The following NT5DC3 variants were observed in gnomAD, a reference collection of about 807,000 sequenced individuals.
The protein encoded by NT5DC3 is 5'-nucleotidase domain-containing protein 3.
Under a neutral mutation model 67.8 loss-of-function variants are expected in NT5DC3, and 42 were observed. The observed-to-expected ratio is 0.62, with a 90% confidence interval of 0.48 to 0.80. The LOEUF is 0.80. Among genes scored for constraint, NT5DC3 ranks in the 30% least tolerant of loss-of-function variants. The pLI is 0.00. For missense variants in NT5DC3, 570 were observed against 696.4 expected (o/e 0.82, Z 2.04); for synonymous variants, 237 against 255.6 (o/e 0.93, Z 0.69).
chr12:103,760,120 A>G, the NT5DC3 span, among the ~76,000 whole-genome samples: 1 of 152,164 alleles, frequency 6.6e-6, no homozygotes, highest in African/African-American at 2.4e-5. Context: ...CTCTTCTGGA[A>G]CAGAAGGGGC....
downstream of NT5DC3, chr12:103,766,545 GCTCTTCTTCCTTTGTA>G: frequency 1.8e-6 from 1 of 565,132 alleles, no homozygotes; most frequent in African/African-American, 1.9e-5. Flanking sequence ...TGACCCTTTG[GCTCTTCTTCCTTTGTA>G]CTCTTCAGCT....
downstream of NT5DC3, chr12:103,771,049 G>T (rs1181258297): frequency 6.6e-6 from 1 of 152,296 alleles, no homozygotes; most frequent in African/African-American, 2.4e-5. Context: ...GCAGTGAGAA[G>T]TAAATTTCTG....
At chr12:103,786,981 C>T (rs1275183938) in intron 11 of NT5DC3, among the ~76,000 whole-genome samples, 1 of 152,156 alleles carries the variant, frequency 6.6e-6, no homozygotes, top group African/African-American at 2.4e-5. Context: ...CCATGCCCAG[C>T]CCACTGGTTC....
chr12:103,801,483 C>T (rs1411183285), intron 4 of NT5DC3, among the ~76,000 whole-genome samples: 1 of 147,108 alleles, frequency 6.8e-6, no homozygotes, highest in Non-Finnish European at 1.5e-5. Context: ...CCCAGGTTCA[C>T]GCCATTCTCC....
At chr12:103,769,880 G>A (rs576672177), downstream of NT5DC3, among the ~76,000 whole-genome samples, 2 of 152,240 alleles carry the variant, frequency 1.3e-5, no homozygotes, top group African/African-American at 4.8e-5. Context: ...CATGTGAGAG[G>A]AGTGACCAGG....
chr12:103,767,762 A>G (rs938085817), downstream of NT5DC3, among the ~76,000 whole-genome samples: 12 of 151,776 alleles, frequency 7.9e-5, no homozygotes, highest in African/African-American at 2.4e-4. Context: ...TGGCCTGGGT[A>G]TTAGCCAGGT....
chr12:103,839,091 G>A (rs1193070927), intron 1 of NT5DC3, among the ~76,000 whole-genome samples: 1 of 152,144 alleles, frequency 6.6e-6, no homozygotes, highest in Non-Finnish European at 1.5e-5. Flanking sequence ...ATACATCTGT[G>A]CTCTCATGCA....
Position 103,777,873 on chromosome 12 carries a change from G to C in NT5DC3, c.1603C>G (p.Pro535Ala). 3.1e-6 allele frequency: 5 copies of C among 1,614,166 alleles called. No individual in the cohort carries two copies. The highest frequency in any genetic ancestry group is 4.2e-6 in the Non-Finnish European group (5 of 1,180,022). The change falls in exon 14 of 14, where the codon CCC becomes GCC. Residue 535 changes from proline (P) to alanine (A), a missense_variant. By Grantham distance (27) the Pro-to-Ala change is conservative (BLOSUM62 -1). Around this residue, in one of 2 missense-constraint regions of NT5DC3, gnomAD observed 466 missense variants for 608.0 expected, o/e 0.77. Transcript: ENST00000392876. ...TGCAGGAGAGGGGTTCCGAAGGTGG[G>C]GGGCCTTTCTGACCAGGCGGGCAGT... ...HELPAWSERP[P>A]TFGTPLLQEA... is the part of the protein sequence containing the mutation.
Position 103,817,530 on chromosome 12 carries a change from C to T in NT5DC3, c.209-2409G>A, listed in dbSNP as rs148534879. 2.9e-3 allele frequency among the ~76,000 whole-genome samples: 446 copies of T among 152,292 alleles called. 2 individuals carry two copies. The highest frequency in any genetic ancestry group is 0.01 in the African/African-American group (422 of 41,576). On this transcript the variant is annotated intron_variant, in intron 1 of 13. Coordinates refer to ENST00000392876, the MANE Select transcript of NT5DC3 (RefSeq NM_001031701.3). ...CACATTACTAAGGACAACCACCTGACTCTATTATAACAGCTAATATTTATT... is the reference window on the plus strand; with the variant it reads ...CACATTACTAAGGACAACCACCTGATTCTATTATAACAGCTAATATTTATT...
chr12:103,747,995 CAAAAAAAA>C, the NT5DC3 span, among the ~76,000 whole-genome samples: 28,843 of 96,886 alleles, frequency 0.3, 3,063 homozygotes, highest in Non-Finnish European at 0.34. Context: ...ACTCTGTCTC[CAAAAAAAA>C]AAAAAAAAAA....
At chr12:103,769,365 C>G (rs577447011), downstream of NT5DC3, among the ~76,000 whole-genome samples, 5 of 152,310 alleles carry the variant, frequency 3.3e-5, no homozygotes, top group Admixed American at 2.6e-4. Flanking sequence ...GTGCAGTGCA[C>G]TAGTGTTGAA....
At chr12:103,749,085 G>T in the NT5DC3 span, 9 of 1,614,016 alleles carry the variant, frequency 5.6e-6, no homozygotes, top group Non-Finnish European at 7.6e-6. Flanking sequence ...CAGCTGCACA[G>T]AGATAGACCC....
chr12:103,750,678 C>G, the NT5DC3 span: 1 of 1,614,190 alleles, frequency 6.2e-7, no homozygotes, highest in South Asian at 1.1e-5. Flanking sequence ...GGACAATGGG[C>G]AGTGCCATGC....
intron 2 of NT5DC3, among the ~76,000 whole-genome samples, chr12:103,808,493 G>A (rs1006714089): frequency 3.0e-4 from 45 of 152,336 alleles, no homozygotes; most frequent in African/African-American, 1.1e-3. Flanking sequence ...GGTTCCATTT[G>A]TACAAAAACA....
intron 9 of NT5DC3, among the ~76,000 whole-genome samples, chr12:103,790,850 G>A (rs1886022831): frequency 6.6e-6 from 1 of 151,310 alleles, no homozygotes. Flanking sequence ...CCACCATGCC[G>A]GGCTAATTTT....
rs561894911 is a variant in NT5DC3 at position 103,777,383 on chromosome 12, C to A, written c.*446G>T. 1 of 165,370 alleles carries A rather than the reference C, an allele frequency of 6.0e-6. No individual in the cohort carries two copies. The highest frequency in any genetic ancestry group is 2.4e-5 in the African/African-American group (1 of 41,726). The allele number at this position is 165,370 out of a possible 1,614,324, so 10.2% of individuals were successfully genotyped here. ...CAGCGTTTTACCATTGTGGAGCCCACGAAATCAGCCTTCTGGAAGCAGCTA... is the reference window on the plus strand; with the variant it reads ...CAGCGTTTTACCATTGTGGAGCCCAAGAAATCAGCCTTCTGGAAGCAGCTA... On this transcript the variant is annotated 3_prime_UTR_variant, in exon 14 of 14. Transcript: ENST00000392876.
intron 1 of NT5DC3, among the ~76,000 whole-genome samples, chr12:103,828,133 C>T (rs2139460242): frequency 6.6e-6 from 1 of 152,322 alleles, no homozygotes; most frequent in East Asian, 1.9e-4. Flanking sequence ...AGGTGAGTTG[C>T]AGTGATGATG....
intron 12 of NT5DC3, among the ~76,000 whole-genome samples, chr12:103,782,351 G>C (rs1449667403): frequency 6.6e-6 from 1 of 151,524 alleles, no homozygotes; most frequent in Non-Finnish European, 1.5e-5. Context: ...CTGGGCAACA[G>C]AGTGAGACTG....
chr12:103,772,099 C>G (rs528934891), downstream of NT5DC3, among the ~76,000 whole-genome samples: 1 of 152,030 alleles, frequency 6.6e-6, no homozygotes, highest in East Asian at 1.9e-4. Context: ...TTGAGCTTTC[C>G]CCAAAAAAGG....
Sources: allele counts gnomAD v4.1 joint callset (sites outside exome capture counted in the v4.1 genomes callset), GRCh38; gene constraint gnomAD v4.1.1; regional missense constraint gnomAD v4.1.1; transcripts MANE v1.5; gene names NCBI Gene and HGNC (gene_info 2026-07-23, HGNC 2026-07-21).